Variants in WIPF3 observed in about 807,000 individuals in gnomAD.
The protein encoded by WIPF3 is WAS/WASL-interacting protein family member 3.
In WIPF3, 33 loss-of-function variants were observed where a neutral mutation model predicts 38.9. That is an observed-to-expected ratio of 0.85 (90% CI 0.64 to 1.14). The LOEUF is 1.14. Ranked by LOEUF, WIPF3 falls within the 50% of genes most tolerant of loss-of-function variation. The pLI is 0.00. For missense variants in WIPF3, 711 were observed against 652.5 expected, an observed-to-expected ratio of 1.09 and a Z score of -0.98; for synonymous variants, 324 against 269.3, an observed-to-expected ratio of 1.20 and a Z score of -1.99.
intron 2 of WIPF3, among the ~76,000 whole-genome samples, chr7:29,861,310 T>C (rs1785270663): frequency 6.6e-6 from 1 of 152,198 alleles, no homozygotes; most frequent in Non-Finnish European, 1.5e-5. Flanking sequence ...CAAATCATGA[T>C]ATGGAAGCAC....
At chr7:29,879,202 TGG>T (rs1785668201) in intron 4 of WIPF3, 62 bp downstream of exon 4, 6 of 1,565,110 alleles carry the variant, frequency 3.8e-6, no homozygotes, top group Non-Finnish European at 5.2e-6. Context: ...TGGAACCATC[TGG>T]GCAATCCACA....
chr7:29,828,435 G>T (rs62459996), intron 1 of WIPF3, among the ~76,000 whole-genome samples: 17,524 of 152,148 alleles, frequency 0.12, 1,105 homozygotes, highest in African/African-American at 0.16. Context: ...AATAGCTCCC[G>T]CTAAAGAGGT....
At position 29,884,602 on chromosome 7, in the gene WIPF3, C is replaced by A; in HGVS notation, c.1099+9C>A. ...GAGGCATGGCCGACCAGGTAAGGAG[C>A]GCTGCCTGGCCCAGTGCCCCTGGTG... On this transcript the variant is annotated intron_variant, in intron 5 of 8. Coordinates refer to ENST00000242140, the MANE Select transcript of WIPF3 (RefSeq NM_001080529.3). The A allele has an allele frequency of 1.9e-6, 3 of 1,600,474 alleles. No individual in the cohort carries two copies. The highest frequency in any genetic ancestry group is 2.6e-6 in the Non-Finnish European group (3 of 1,175,126).
At chr7:29,847,659 G>A (rs1785023452) in intron 2 of WIPF3, among the ~76,000 whole-genome samples, 1 of 152,222 alleles carries the variant, frequency 6.6e-6, no homozygotes, top group Admixed American at 6.5e-5. Flanking sequence ...TCCCTGAGCT[G>A]CATTCCTTCC....
rs567249043 is a variant in WIPF3, at chr7:29,839,878, C to T, written c.90+5064C>T. Among the ~76,000 whole-genome samples, 9 of 152,302 alleles carry T rather than the reference C, an allele frequency of 5.9e-5. No individual in the cohort carries two copies. The South Asian group carries it at 1.9e-3, about 32-fold the overall frequency. On this transcript the variant is annotated intron_variant, in intron 2 of 8. Transcript: ENST00000242140. ...ACCAATTAAGCAAAATGTTATTCCT[C>T]AAAGAATTCCATTCTTCTCACTAGT...
chr7:29,835,415 C>A (rs886823042), intron 2 of WIPF3, among the ~76,000 whole-genome samples: 3 of 152,130 alleles, frequency 2.0e-5, no homozygotes, highest in African/African-American at 7.2e-5. Context: ...CAGGGATTCT[C>A]AGCCTTGGCA....
At chr7:29,833,449 G>A (rs560122287) in intron 1 of WIPF3, among the ~76,000 whole-genome samples, 2 of 152,180 alleles carry the variant, frequency 1.3e-5, no homozygotes, top group Non-Finnish European at 2.9e-5. Context: ...ATAAAAATGG[G>A]GATGCTAGGG....
At position 29,823,534 on chromosome 7, in the gene WIPF3, G is replaced by T. The variant is rs568139507; in HGVS notation, c.-57-11134G>T. Among the ~76,000 whole-genome samples, 1 of 152,272 alleles carries T rather than the reference G, an allele frequency of 6.6e-6. No individual in the cohort carries two copies. Among genetic ancestry groups the T allele is most frequent in the South Asian group, 2.1e-4 (1 of 4,828 alleles). On this transcript the variant is annotated intron_variant, in intron 1 of 8. Coordinates refer to ENST00000242140, the MANE Select transcript of WIPF3 (RefSeq NM_001080529.3). This position sits in a 1 kb window ranked among gnomAD's most constrained non-coding sequence, Gnocchi z 4.0. ...AACTTTCCCAGTGTTCTGCTAACAAGGTTTGTCTCCATCTTTTGCGGGAGC... is the reference window on the plus strand; with the variant it reads ...AACTTTCCCAGTGTTCTGCTAACAATGTTTGTCTCCATCTTTTGCGGGAGC...
chr7:29,906,525 T>C (rs1281234652), intron 8 of WIPF3, among the ~76,000 whole-genome samples: 1 of 152,062 alleles, frequency 6.6e-6, no homozygotes, highest in East Asian at 1.9e-4. Flanking sequence ...GAACAAAGCC[T>C]AAGAGACCTG....
At position 29,869,475 on chromosome 7, in the gene WIPF3, A is replaced by G. The variant is rs560176635; in HGVS notation, c.91-6355A>G. The stretch of plus-strand genomic sequence containing the variant: ...CCCTTCTTTCCAGAAGTTTCTGTGA[A>G]CTACTTTTACCAGTTAAAGTAACCA... On this transcript the variant is annotated intron_variant, in intron 2 of 8. Transcript: ENST00000242140. 6.9e-4 allele frequency among the ~76,000 whole-genome samples: 105 copies of G among 152,328 alleles called. 1 individual carries two copies. Among genetic ancestry groups the G allele is most frequent in the African/African-American group, 2.4e-3 (100 of 41,578 alleles).
chr7:29,836,943 A>G (rs547674706), intron 2 of WIPF3, among the ~76,000 whole-genome samples: 102 of 152,230 alleles, frequency 6.7e-4, no homozygotes, highest in Middle Eastern at 6.8e-3. Context: ...GTGAGCCAAC[A>G]TCGCACCACT....
At chr7:29,864,879 A>C (rs1308559265) in intron 2 of WIPF3, among the ~76,000 whole-genome samples, 1 of 152,174 alleles carries the variant, frequency 6.6e-6, no homozygotes, top group Non-Finnish European at 1.5e-5. Flanking sequence ...GGCCTGCTAC[A>C]CAGCTGTCTT....
At chr7:29,850,040 A>T (rs1785068361) in intron 2 of WIPF3, among the ~76,000 whole-genome samples, 1 of 152,246 alleles carries the variant, frequency 6.6e-6, no homozygotes, top group South Asian at 2.1e-4. Context: ...TGGAAATTTA[A>T]AATATCTCAA....
At chr7:29,909,527 C>A (rs1786464312) in intron 8 of WIPF3, among the ~76,000 whole-genome samples, 1 of 152,020 alleles carries the variant, frequency 6.6e-6, no homozygotes, top group South Asian at 2.1e-4. Flanking sequence ...TACTTTTATG[C>A]CAAAAAGTTG....
chr7:29,851,975 T>C (rs1785105983), intron 2 of WIPF3, among the ~76,000 whole-genome samples: 1 of 152,054 alleles, frequency 6.6e-6, no homozygotes, highest in Non-Finnish European at 1.5e-5. Context: ...TTTATTTTAA[T>C]TTTACTTATT....
chr7:29,916,988 T>A lies in WIPF3; in HGVS notation c.*2472T>A, dbSNP rs1786629625. Reference sequence around the variant, plus strand: ...TCTGTGACTCCTCCAATGTTTCACGTGTATTTTATATTTATTGATGTCTCC... The same window carrying A: ...TCTGTGACTCCTCCAATGTTTCACGAGTATTTTATATTTATTGATGTCTCC... On this transcript the variant is annotated 3_prime_UTR_variant, in exon 9 of 9. Coordinates refer to ENST00000242140, the MANE Select transcript of WIPF3 (RefSeq NM_001080529.3). The A allele has an allele frequency of 6.6e-6, 1 of 152,208 alleles. No individual in the cohort carries two copies. The highest frequency in any genetic ancestry group is 2.4e-5 in the African/African-American group (1 of 41,454). 9.4% of individuals were successfully genotyped at this position (152,208 alleles called of 1,614,324 possible). A position where few individuals can be genotyped will look rare whatever the true frequency, so the allele number is the denominator to read the frequency against.
In WIPF3 at chr7:29,860,534, C is replaced by T. The variant is rs572106669; in HGVS notation, c.91-15296C>T. Among the ~76,000 whole-genome samples the T allele has an allele frequency of 7.9e-5, 12 of 152,282 alleles. No homozygotes were observed. In the South Asian group the frequency reaches 1.9e-3, roughly 24 times the overall value. ...AGCCCCCACCAGAAGCAGATGCTTG[C>T]GCCATGCTTCTTGCACAGCCTGCAG... is the stretch of plus-strand genomic sequence containing the variant. On this transcript the variant is annotated intron_variant, in intron 2 of 8. Transcript: ENST00000242140.
chr7:29,871,137 G>A (rs1352824615), intron 2 of WIPF3, among the ~76,000 whole-genome samples: 1 of 152,220 alleles, frequency 6.6e-6, no homozygotes, highest in African/African-American at 2.4e-5. Flanking sequence ...GGAACACTGT[G>A]TCAGACCTGA....
chr7:29,835,531 C>T (rs975765126), intron 2 of WIPF3, among the ~76,000 whole-genome samples: 2 of 152,042 alleles, frequency 1.3e-5, no homozygotes, highest in African/African-American at 2.4e-5. Context: ...CCAGTAGCAC[C>T]CCCCAATTGT....
Sources: allele counts gnomAD v4.1 joint callset (sites outside exome capture counted in the v4.1 genomes callset), GRCh38; gene constraint gnomAD v4.1.1; non-coding constraint Gnocchi (gnomAD v3.1); transcripts MANE v1.5; gene names NCBI Gene and HGNC (gene_info 2026-07-23, HGNC 2026-07-21).